The following C12orf42 variants were observed in gnomAD, a reference collection of about 807,000 sequenced individuals.
C12orf42 encodes the protein uncharacterized protein C12orf42.
In C12orf42, 25 loss-of-function variants were observed where a neutral mutation model predicts 21.6. That is an observed-to-expected ratio of 1.16 (90% CI 0.84 to 1.62). C12orf42 has a LOEUF of 1.62. C12orf42 is among the 40% of genes most tolerant of loss of function. The probability of loss-of-function intolerance (pLI) is 0.00; values close to 1 mark genes in which losing one functional copy is unlikely to be tolerated. For missense variants in C12orf42, 483 were observed against 459.3 expected, an observed-to-expected ratio of 1.05 and a Z score of -0.47; for synonymous variants, 174 against 175.0, an observed-to-expected ratio of 0.99 and a Z score of 0.05.
chr12:103,349,851 G>A (rs1159067978), intron 4 of C12orf42, among the ~76,000 whole-genome samples: 2 of 152,074 alleles, frequency 1.3e-5, no homozygotes, highest in African/African-American at 4.8e-5. Flanking sequence ...AATTTTACTT[G>A]AAAATGTCCA....
chr12:103,273,784 T>C, intron 5 of C12orf42: 1 of 451,298 alleles, frequency 2.2e-6, no homozygotes, highest in Admixed American at 2.4e-5. Flanking sequence ...GAAGCACTTG[T>C]CTTTTACCTG....
At chr12:103,486,230 T>C (rs920980642) in intron 1 of C12orf42, among the ~76,000 whole-genome samples, 1 of 152,226 alleles carries the variant, frequency 6.6e-6, no homozygotes, top group Non-Finnish European at 1.5e-5. Context: ...ATTGAGATAA[T>C]CATGTGTTTT....
chr12:103,116,921 G>T, the C12orf42 span, among the ~76,000 whole-genome samples: 2 of 152,082 alleles, frequency 1.3e-5, no homozygotes, highest in African/African-American at 4.8e-5. Context: ...ATTGACATAT[G>T]ATAATTGTAC....
chr12:103,490,235 G>T (rs1360999301), intron 1 of C12orf42, among the ~76,000 whole-genome samples: 2 of 152,146 alleles, frequency 1.3e-5, no homozygotes, highest in South Asian at 2.1e-4. Flanking sequence ...ACATTTAAAA[G>T]AAATCCTTTA....
upstream of C12orf42, among the ~76,000 whole-genome samples, chr12:103,499,757 A>C (rs1565915986): frequency 6.6e-6 from 1 of 152,176 alleles, no homozygotes; most frequent in Non-Finnish European, 1.5e-5. Context: ...ATGGCTGGGG[A>C]CTCTATACTG....
At chr12:103,414,775 C>T (rs544033542) in intron 2 of C12orf42, among the ~76,000 whole-genome samples, 1 of 152,262 alleles carries the variant, frequency 6.6e-6, no homozygotes, top group Non-Finnish European at 1.5e-5. Context: ...AGTTGTTTAT[C>T]CAATCCAGGG....
At chr12:103,353,898 G>A (rs1183814859) in intron 4 of C12orf42, among the ~76,000 whole-genome samples, 4 of 152,172 alleles carry the variant, frequency 2.6e-5, no homozygotes, top group Admixed American at 2.6e-4. Flanking sequence ...TAGTGTGAGA[G>A]GAATGGGAGA....
chr12:103,420,139 T>C (rs1363051689), intron 2 of C12orf42, among the ~76,000 whole-genome samples: 1 of 152,232 alleles, frequency 6.6e-6, no homozygotes, highest in Admixed American at 6.5e-5. Flanking sequence ...ATAGTTGTTT[T>C]CATTGTAAAC....
chr12:103,248,115 A>G (rs1409758434), intron 10 of C12orf42, among the ~76,000 whole-genome samples: 1 of 152,028 alleles, frequency 6.6e-6, no homozygotes, highest in East Asian at 1.9e-4. Context: ...TCTTTTCCTT[A>G]GGGTCTTATT....
At chr12:103,147,174 G>C in the C12orf42 span, among the ~76,000 whole-genome samples, 3 of 152,090 alleles carry the variant, frequency 2.0e-5, no homozygotes, top group Non-Finnish European at 4.4e-5. Flanking sequence ...TTACAGACAA[G>C]GAGGCCTATA....
At chr12:103,077,754 G>C in the C12orf42 span, among the ~76,000 whole-genome samples, 1 of 152,156 alleles carries the variant, frequency 6.6e-6, no homozygotes. Context: ...TGAAGGTGAG[G>C]ACGTTGCTCT....
chr12:103,190,643 T>G, the C12orf42 span, among the ~76,000 whole-genome samples: 16 of 152,106 alleles, frequency 1.1e-4, no homozygotes, highest in African/African-American at 3.4e-4. Flanking sequence ...CAATAGCAGA[T>G]TCAGTCAAAG....
At chr12:103,368,499 T>A (rs1356352949) in intron 4 of C12orf42, among the ~76,000 whole-genome samples, 1 of 152,082 alleles carries the variant, frequency 6.6e-6, no homozygotes, top group African/African-American at 2.4e-5. Context: ...AGCCATTGGA[T>A]AAGCAGTAGA....
the C12orf42 span, among the ~76,000 whole-genome samples, chr12:103,130,276 T>C: frequency 1.3e-5 from 2 of 151,342 alleles, no homozygotes; most frequent in Non-Finnish European, 2.9e-5. Flanking sequence ...TGAGGTCATA[T>C]AGCTATAGGT....
the C12orf42 span, among the ~76,000 whole-genome samples, chr12:103,215,017 G>A: frequency 1.1e-4 from 17 of 152,062 alleles, no homozygotes; most frequent in Admixed American, 9.8e-4. Flanking sequence ...ATATACCAAA[G>A]ACAATACTCT....
the C12orf42 span, among the ~76,000 whole-genome samples, chr12:103,118,772 TAAAAAAAAAAA>T: frequency 0.03 from 1,250 of 41,682 alleles, 30 homozygotes; most frequent in African/African-American, 0.11. Context: ...CACTCCAGCC[TAAAAAAAAAAA>T]AAAAAAAAAA....
At chr12:103,294,721 T>C (rs575676829) in intron 4 of C12orf42, among the ~76,000 whole-genome samples, 3 of 152,206 alleles carry the variant, frequency 2.0e-5, no homozygotes, top group Non-Finnish European at 2.9e-5. Flanking sequence ...ACAAAGACCT[T>C]GGACTCTGCA....
chr12:103,052,679 T>G, the C12orf42 span, among the ~76,000 whole-genome samples: 1 of 152,070 alleles, frequency 6.6e-6, no homozygotes, highest in Admixed American at 6.6e-5. Flanking sequence ...TTAACTATAA[T>G]TTTTATTTTG....
At chr12:103,413,577 A>G (rs79003849) in intron 2 of C12orf42, among the ~76,000 whole-genome samples, 6,175 of 152,086 alleles carry the variant, frequency 0.041, 177 homozygotes, top group Non-Finnish European at 0.062. Flanking sequence ...TGGTGCATCC[A>G]TTACCTGAGC....
Sources: allele counts gnomAD v4.1 joint callset (sites outside exome capture counted in the v4.1 genomes callset), GRCh38; gene constraint gnomAD v4.1.1; transcripts MANE v1.5; gene names NCBI Gene and HGNC (gene_info 2026-07-23, HGNC 2026-07-21).